The following SMOC2 variants were observed in gnomAD, a reference collection of about 807,000 sequenced individuals.
SMOC2 encodes SPARC-related modular calcium-binding protein 2.
A neutral mutation model predicts 61.4 loss-of-function variants in SMOC2; 39 were observed. That is an observed-to-expected ratio of 0.64 (90% CI 0.49 to 0.83). The LOEUF is 0.83. SMOC2 is among the 40% of genes least tolerant of loss of function. The pLI is 0.00. For missense variants in SMOC2, 556 were observed against 592.9 expected, an observed-to-expected ratio of 0.94 and a Z score of 0.65; for synonymous variants, 247 against 239.9, an observed-to-expected ratio of 1.03 and a Z score of -0.27.
chr6:168,482,443 A>G (rs1383827846), intron 1 of SMOC2, among the ~76,000 whole-genome samples: 1 of 152,120 alleles, frequency 6.6e-6, no homozygotes, highest in East Asian at 1.9e-4. Context: ...CTGGACAGAG[A>G]AAACCTGTGG....
chr6:168,459,584 G>C (rs932507701), intron 1 of SMOC2, among the ~76,000 whole-genome samples: 2 of 124,784 alleles, frequency 1.6e-5, no homozygotes, highest in Non-Finnish European at 3.4e-5. Context: ...GGGTGGATGA[G>C]CCCTGGGGTG....
At position 168,441,360 on chromosome 6, in the gene SMOC2, C is replaced by A; in HGVS notation, c.-11C>A. The stretch of plus-strand genomic sequence containing the variant: ...CGCGGCCGATCTCCCGCTCCCGCCA[C>A]CTCCGCCACCATGCTGCTCCCCCAG... On this transcript the variant is annotated 5_prime_UTR_variant, in exon 1 of 13. Transcript: ENST00000356284. The A allele has an allele frequency of 6.7e-7, 1 of 1,501,978 alleles. No individual in the cohort carries two copies. Among genetic ancestry groups the A allele is most frequent in the Non-Finnish European group, 8.8e-7 (1 of 1,131,712 alleles). The allele number at this position is 1,501,978 out of a possible 1,614,324, so 93.0% of individuals were successfully genotyped here. A position where few individuals can be genotyped will look rare whatever the true frequency, so the allele number is the denominator to read the frequency against.
chr6:168,477,792 T>A (rs1328362853), intron 1 of SMOC2, among the ~76,000 whole-genome samples: 1 of 152,162 alleles, frequency 6.6e-6, no homozygotes, highest in Admixed American at 6.5e-5. Flanking sequence ...GCTTGACTTT[T>A]AGGGATCTAC....
At chr6:168,594,109 G>T (rs796156455) in intron 7 of SMOC2, among the ~76,000 whole-genome samples, 1 of 47,506 alleles carries the variant, frequency 2.1e-5, no homozygotes, top group Non-Finnish European at 5.0e-5. Flanking sequence ...GAGGCCTCAC[G>T]AGGGGCATCT....
At chr6:168,624,123 A>G (rs1786322534) in intron 9 of SMOC2, among the ~76,000 whole-genome samples, 1 of 152,190 alleles carries the variant, frequency 6.6e-6, no homozygotes, top group African/African-American at 2.4e-5. Context: ...ACAACATTCA[A>G]AATGGCAAAT....
At chr6:168,600,444 AAC>A (rs1785521034) in intron 8 of SMOC2, among the ~76,000 whole-genome samples, 1 of 142,496 alleles carries the variant, frequency 7.0e-6, no homozygotes, top group African/African-American at 2.6e-5. Context: ...CAAAAAAAAA[AAC>A]AGTAGTTTCA....
chr6:168,575,817 G>A (rs1784789637), intron 7 of SMOC2, among the ~76,000 whole-genome samples: 1 of 152,196 alleles, frequency 6.6e-6, no homozygotes. Flanking sequence ...TCTCGGCTCT[G>A]CGGTGAAGAT....
chr6:168,585,789 C>G (rs1279381183), intron 7 of SMOC2, among the ~76,000 whole-genome samples: 1 of 152,234 alleles, frequency 6.6e-6, no homozygotes, highest in East Asian at 1.9e-4. Context: ...ACTTATTTTT[C>G]AGTCACACAT....
intron 1 of SMOC2, among the ~76,000 whole-genome samples, chr6:168,508,014 C>T (rs1041384377): frequency 3.3e-5 from 5 of 152,160 alleles, no homozygotes; most frequent in African/African-American, 1.2e-4. Flanking sequence ...TTCTTAGCCA[C>T]ACCTGCCACT....
intron 11 of SMOC2, among the ~76,000 whole-genome samples, chr6:168,660,651 G>C (rs1221510131): frequency 6.6e-6 from 1 of 152,224 alleles, no homozygotes; most frequent in Non-Finnish European, 1.5e-5. Context: ...GGTCAGCACA[G>C]GTCTTGGGAA....
intron 1 of SMOC2, among the ~76,000 whole-genome samples, chr6:168,451,281 A>T (rs1227216058): frequency 2.0e-5 from 3 of 152,226 alleles, no homozygotes; most frequent in African/African-American, 4.8e-5. Flanking sequence ...GCTTACACTC[A>T]TCCAATAATT....
chr6:168,538,699 C>T (rs1379934383), intron 4 of SMOC2, among the ~76,000 whole-genome samples: 7 of 91,822 alleles, frequency 7.6e-5, no homozygotes, highest in African/African-American at 3.2e-4. Flanking sequence ...GTGACCGCTG[C>T]TGGAATGTGA....
At chr6:168,574,448 A>C (rs1249973007) in intron 7 of SMOC2, among the ~76,000 whole-genome samples, 1 of 152,154 alleles carries the variant, frequency 6.6e-6, no homozygotes, top group Non-Finnish European at 1.5e-5. Flanking sequence ...AGCCCTGGAA[A>C]TCCCTGGGAG....
intron 7 of SMOC2, among the ~76,000 whole-genome samples, chr6:168,565,032 G>A (rs1464604770): frequency 1.3e-5 from 2 of 152,098 alleles, no homozygotes; most frequent in Non-Finnish European, 2.9e-5. Context: ...TATTTTAAAA[G>A]GTATAAATTT....
chr6:168,441,419 C>T lies in SMOC2; in HGVS notation c.49C>T (p.Pro17Ser). Residue 17 changes from proline (P) to serine (S), a missense_variant, in exon 1 of 13, where the codon CCG (proline) becomes TCG (serine). Physicochemically the swap from Pro to Ser is moderately conservative, Grantham distance 74. Coordinates refer to ENST00000356284, the MANE Select transcript of SMOC2 (RefSeq NM_001166412.2). ...GCTGCCGCTGCTCGCTGGGCTGCTC[C>T]CGCCGGTGCCCGCTCAGAAGTTCTC... ...CWLPLLAGLL[P>S]PVPAQKFSAL... 2 of 1,510,000 alleles carry T rather than the reference C, an allele frequency of 1.3e-6. No homozygotes were observed. The highest frequency in any genetic ancestry group is 2.8e-5 in the East Asian group (1 of 35,960). The allele number at this position is 1,510,000 out of a possible 1,614,324, so 93.5% of individuals were successfully genotyped here.
intron 1 of SMOC2, among the ~76,000 whole-genome samples, chr6:168,465,520 T>TA (rs1387739763): frequency 6.6e-6 from 1 of 150,680 alleles, no homozygotes; most frequent in Admixed American, 6.6e-5. Flanking sequence ...TGTGAGACAG[T>TA]AGGAATCATT....
chr6:168,538,138 A>G (rs1783777659), intron 4 of SMOC2, among the ~76,000 whole-genome samples: 1 of 133,458 alleles, frequency 7.5e-6, no homozygotes, highest in African/African-American at 2.9e-5. Flanking sequence ...CGCTGCTGGA[A>G]TCTGGGGTGT....
chr6:168,598,423 C>T (rs1203054760), intron 7 of SMOC2, among the ~76,000 whole-genome samples: 1 of 152,182 alleles, frequency 6.6e-6, no homozygotes, highest in Non-Finnish European at 1.5e-5. Flanking sequence ...ACACGTGGCT[C>T]GGAGCAGGGA....
At position 168,517,192 on chromosome 6, in the gene SMOC2, C is replaced by A. The variant is rs557493360; in HGVS notation, c.256+7106C>A. Among the ~76,000 whole-genome samples the A allele has an allele frequency of 8.6e-5, 13 of 151,952 alleles. No individual in the cohort carries two copies. The East Asian group carries it at 2.5e-3, about 29-fold the overall frequency. ...TTGCCCCAGACAGTCAGCTGTGAGG[C>A]CTCGCTCTGAGGCCTGTCTGCGGCT... On this transcript the variant is annotated intron_variant, in intron 2 of 12. Coordinates refer to ENST00000356284, the MANE Select transcript of SMOC2 (RefSeq NM_001166412.2).
Sources: gnomAD v4.1 joint callset for allele counts (sites outside exome capture counted in the v4.1 genomes callset) on GRCh38, gnomAD v4.1.1 for gene constraint, MANE v1.5 for transcripts, NCBI Gene and HGNC (gene_info 2026-07-23, HGNC 2026-07-21) for gene names.